The following HDAC9 variants were observed in gnomAD, a reference collection of about 807,000 sequenced individuals.
HDAC9 encodes the protein histone deacetylase 9, also known as MEF-2 interacting transcription repressor (MITR) protein.
In HDAC9, 41 loss-of-function variants were observed where a neutral mutation model predicts 139.4. The observed-to-expected ratio is 0.29, with a 90% CI of 0.23 to 0.38. The LOEUF (loss-of-function observed/expected upper bound fraction) is 0.38, where lower values mean the gene tolerates loss of function less well. HDAC9 is among the 10% of genes least tolerant of loss of function. The pLI is 1.00. For synonymous variants in HDAC9, 517 were observed against 476.2 expected (o/e 1.09, Z -1.12); for missense variants, 1,147 against 1,297.0 (o/e 0.88, Z 1.78).
At chr7:18,095,395 C>A (rs776056247) in intron 1 of HDAC9, among the ~76,000 whole-genome samples, 10 of 152,114 alleles carry the variant, frequency 6.6e-5, no homozygotes, top group Non-Finnish European at 1.0e-4. Flanking sequence ...TTTATTACCC[C>A]AAACAGCATC....
At chr7:18,255,602 TG>T (rs2128202423) in intron 2 of HDAC9, among the ~76,000 whole-genome samples, 1 of 151,274 alleles carries the variant, frequency 6.6e-6, no homozygotes, top group South Asian at 2.1e-4. Flanking sequence ...GTGACATTGA[TG>T]AGTTTTCTTT....
chr7:18,320,278 G>T (rs970839829), intron 1 of HDAC9, among the ~76,000 whole-genome samples: 1 of 152,136 alleles, frequency 6.6e-6, no homozygotes, highest in East Asian at 1.9e-4. Flanking sequence ...GTACTCTGTG[G>T]TTGATTTCTC....
At chr7:18,124,659 C>G (rs770260837) in intron 1 of HDAC9, among the ~76,000 whole-genome samples, 2 of 152,112 alleles carry the variant, frequency 1.3e-5, no homozygotes, top group Non-Finnish European at 2.9e-5. Context: ...TTTTGGACGT[C>G]ATGGGTTCAT....
At chr7:18,181,939 A>G (rs1936583270) in intron 2 of HDAC9, among the ~76,000 whole-genome samples, 1 of 152,260 alleles carries the variant, frequency 6.6e-6, no homozygotes, top group South Asian at 2.1e-4. Context: ...AAATGAGATC[A>G]CATCTGGCTC....
intron 14 of HDAC9, among the ~76,000 whole-genome samples, chr7:18,759,797 A>G (rs935881751): frequency 6.6e-6 from 1 of 152,186 alleles, no homozygotes; most frequent in Admixed American, 6.5e-5. Flanking sequence ...GTGATTGAGC[A>G]TTCAGCTAGA....
rs537069498 is a variant in HDAC9, at chr7:18,820,114, T to A, written c.2323-9047T>A. ...GATTTGTTTTCATAAAATGAAAAAA[T>A]TTTCTATTTTTATTACCATTAAATG... On this transcript the variant is annotated intron_variant, in intron 17 of 25. Transcript: ENST00000686413. 2.6e-5 allele frequency among the ~76,000 whole-genome samples: 4 copies of A among 152,252 alleles called. No individual in the cohort carries two copies. The East Asian group carries it at 5.8e-4, about 22-fold the overall frequency.
chr7:18,231,978 T>C (rs1793491174), intron 2 of HDAC9, among the ~76,000 whole-genome samples: 1 of 152,202 alleles, frequency 6.6e-6, no homozygotes, highest in African/African-American at 2.4e-5. Context: ...TTAACATTGT[T>C]GTAATATTAA....
intron 22 of HDAC9, among the ~76,000 whole-genome samples, chr7:18,917,850 T>C (rs1025179231): frequency 3.3e-5 from 5 of 151,944 alleles, no homozygotes; most frequent in African/African-American, 1.2e-4. Flanking sequence ...ATCTAATACA[T>C]GCAATGGAAA....
chr7:18,480,733 A>G (rs749860763), intron 1 of HDAC9, among the ~76,000 whole-genome samples: 12 of 152,158 alleles, frequency 7.9e-5, no homozygotes, highest in Non-Finnish European at 1.6e-4. Flanking sequence ...TAATGAGTAT[A>G]AAGTGATGTT....
At chr7:18,977,197 GATA>G (rs1420789518) in intron 25 of HDAC9, among the ~76,000 whole-genome samples, 7 of 152,058 alleles carry the variant, frequency 4.6e-5, no homozygotes, top group Non-Finnish European at 1.0e-4. Context: ...TTACATCTTT[GATA>G]ATAAGAACTA....
At chr7:18,848,861 A>G (rs1242107762) in intron 21 of HDAC9, among the ~76,000 whole-genome samples, 2 of 152,156 alleles carry the variant, frequency 1.3e-5, no homozygotes, top group South Asian at 2.1e-4. Context: ...ATAGGGAAAA[A>G]TCTCTAATTG....
chr7:18,925,576 T>C (rs1804144120), intron 22 of HDAC9, among the ~76,000 whole-genome samples: 1 of 152,174 alleles, frequency 6.6e-6, no homozygotes, highest in South Asian at 2.1e-4. Context: ...CATGGTGTTT[T>C]AGTTTTACCC....
At chr7:18,463,467 G>A (rs1007457849) in intron 1 of HDAC9, among the ~76,000 whole-genome samples, 1 of 151,794 alleles carries the variant, frequency 6.6e-6, no homozygotes, top group African/African-American at 2.4e-5. Flanking sequence ...AGTTGTGTAT[G>A]TTTGGCTAGT....
intron 22 of HDAC9, among the ~76,000 whole-genome samples, chr7:18,911,814 C>G (rs527672622): frequency 6.6e-6 from 1 of 151,588 alleles, no homozygotes; most frequent in Admixed American, 6.6e-5. Context: ...TCCAAAATTC[C>G]TCTTGTTATT....
chr7:18,326,424 A>T (rs1023357960), intron 1 of HDAC9, among the ~76,000 whole-genome samples: 4 of 152,008 alleles, frequency 2.6e-5, no homozygotes, highest in Non-Finnish European at 5.9e-5. Flanking sequence ...AGAAATATTT[A>T]TATTATTTTC....
intron 17 of HDAC9, among the ~76,000 whole-genome samples, chr7:18,798,545 T>C (rs1307224170): frequency 1.3e-5 from 2 of 152,146 alleles, no homozygotes; most frequent in Non-Finnish European, 2.9e-5. Flanking sequence ...GATGGGGAGA[T>C]AAGGGAGTGG....
chr7:18,744,353 G>C (rs1330690662), intron 13 of HDAC9, among the ~76,000 whole-genome samples: 1 of 152,106 alleles, frequency 6.6e-6, no homozygotes, highest in Non-Finnish European at 1.5e-5. Flanking sequence ...GGAACATAGT[G>C]AGCATTCAAT....
chr7:18,638,277 T>G (rs1348286048), intron 8 of HDAC9, among the ~76,000 whole-genome samples: 1 of 152,020 alleles, frequency 6.6e-6, no homozygotes, highest in African/African-American at 2.4e-5. Flanking sequence ...GCTTCAGAAG[T>G]AGGAAAGTCA....
At chr7:18,784,943 TTGTGTGTG>T (rs147840943) in intron 16 of HDAC9, among the ~76,000 whole-genome samples, 4 of 28,174 alleles carry the variant, frequency 1.4e-4, no homozygotes, top group African/African-American at 2.4e-4. Context: ...TAGCAATTGC[TTGTGTGTG>T]TGTGTGTGTG....
Sources: allele counts gnomAD v4.1 joint callset (sites outside exome capture counted in the v4.1 genomes callset), GRCh38; gene constraint gnomAD v4.1.1; transcripts MANE v1.5; gene names NCBI Gene and HGNC (gene_info 2026-07-23, HGNC 2026-07-21).